The following EXOC6B variants were observed in gnomAD, a reference collection of about 807,000 sequenced individuals.
The protein encoded by EXOC6B is exocyst complex component 6B, also known as SEC15 homolog B.
In EXOC6B, 54 loss-of-function variants were observed where a neutral mutation model predicts 113.5. That is an observed-to-expected ratio of 0.48 (90% CI 0.38 to 0.60). The LOEUF (loss-of-function observed/expected upper bound fraction) is 0.60. Ranked by LOEUF, EXOC6B falls within the 20% of genes least tolerant of loss-of-function variation. The pLI, the probability that EXOC6B is intolerant of heterozygous loss-of-function variation, is 0.00. For missense variants in EXOC6B, 797 were observed against 977.5 expected (o/e 0.82, Z 2.46); for synonymous variants, 357 against 339.0 (o/e 1.05, Z -0.58).
At chr2:72,728,299 C>G (rs947262026) in intron 5 of EXOC6B, among the ~76,000 whole-genome samples, 2 of 152,152 alleles carry the variant, frequency 1.3e-5, no homozygotes, top group Non-Finnish European at 2.9e-5. Flanking sequence ...CCCAGCCAGA[C>G]CTATTCAATC....
intron 8 of EXOC6B, among the ~76,000 whole-genome samples, chr2:72,532,299 T>G (rs184556312): frequency 6.6e-6 from 1 of 152,252 alleles, no homozygotes; most frequent in Admixed American, 6.5e-5. Flanking sequence ...AAATTAACAA[T>G]GTACCATTTT....
chr2:72,623,887 C>T (rs1425719948), intron 6 of EXOC6B, among the ~76,000 whole-genome samples: 1 of 152,144 alleles, frequency 6.6e-6, no homozygotes, highest in Non-Finnish European at 1.5e-5. Flanking sequence ...ATGATAAATG[C>T]ACAATCCTGC....
At chr2:72,258,365 T>C (rs977740776) in intron 20 of EXOC6B, among the ~76,000 whole-genome samples, 4 of 145,518 alleles carry the variant, frequency 2.7e-5, no homozygotes, top group Non-Finnish European at 4.5e-5. Flanking sequence ...CTTTTTCTTT[T>C]TTTTTTTTTT....
intron 6 of EXOC6B, among the ~76,000 whole-genome samples, chr2:72,664,218 C>T (rs1330941654): frequency 1.3e-5 from 2 of 151,890 alleles, no homozygotes; most frequent in African/African-American, 2.4e-5. Context: ...AGTGCTGCTC[C>T]CACTGAGAGA....
chr2:72,473,685 G>T (rs995805601), intron 17 of EXOC6B, among the ~76,000 whole-genome samples: 1 of 151,604 alleles, frequency 6.6e-6, no homozygotes, highest in Admixed American at 6.6e-5. Context: ...AATTATTATT[G>T]ATATGTGAGG....
chr2:72,623,448 G>A (rs1671867603), intron 6 of EXOC6B, among the ~76,000 whole-genome samples: 1 of 152,152 alleles, frequency 6.6e-6, no homozygotes, highest in Non-Finnish European at 1.5e-5. Flanking sequence ...AACAGAAATA[G>A]AGCTTAGCAT....
chr2:72,380,665 G>A (rs978248913), intron 18 of EXOC6B, among the ~76,000 whole-genome samples: 1 of 151,658 alleles, frequency 6.6e-6, no homozygotes, highest in Non-Finnish European at 1.5e-5. Flanking sequence ...GAGGGGAGGG[G>A]AAGGTTATTT....
chr2:72,317,559 T>TCACACACACACA lies in EXOC6B; in HGVS notation c.2196+17376_2196+17387dup, dbSNP rs72124979. On this transcript the variant is annotated intron_variant, in intron 20 of 21. Coordinates refer to ENST00000272427, the MANE Select transcript of EXOC6B (RefSeq NM_015189.3). ...ACACAGGGAAGCATGTATGAACACA[T>TCACACACACACA]CACACACACACACACACACACACAC... Among the ~76,000 whole-genome samples the TCACACACACACA allele has an allele frequency of 6.6e-4, 93 of 140,686 alleles. 1 individual carries two copies. Among genetic ancestry groups the TCACACACACACA allele is most frequent in the African/African-American group, 2.0e-3 (78 of 39,134 alleles). The allele number at this position is 140,686 out of a possible 152,430, so 92.3% of individuals were successfully genotyped here. A position where few individuals can be genotyped will look rare whatever the true frequency, so the allele number is the denominator to read the frequency against.
chr2:72,480,667 C>T lies in EXOC6B; in HGVS notation c.1749G>A (p.Val583=). 6.3e-7 allele frequency: 1 copy of T among 1,591,066 alleles called. No individual in the cohort carries two copies. The highest frequency in any genetic ancestry group is 1.1e-5 in the South Asian group (1 of 87,246). ...LEEFITNITN[V]LPETVHTTKL... ...TGGTAGTGTGAACTGTCTCTGGAAG[C>T]ACATTAGTGATGTTGGTGATAAATT... The change falls in exon 17 of 22, where the codon GTG becomes GTA. Residue 583 remains valine (V), a synonymous_variant. Transcript: ENST00000272427.
chr2:72,186,904 C>T (rs184555768), intron 20 of EXOC6B, among the ~76,000 whole-genome samples: 1 of 152,290 alleles, frequency 6.6e-6, no homozygotes, highest in Non-Finnish European at 1.5e-5. Context: ...TGGCCAGTGG[C>T]ACCTTTGCCT....
At chr2:72,499,636 T>C (rs1455529235) in intron 12 of EXOC6B, among the ~76,000 whole-genome samples, 1 of 151,630 alleles carries the variant, frequency 6.6e-6, no homozygotes, top group Non-Finnish European at 1.5e-5. Flanking sequence ...CAGGCAATCC[T>C]CTCACCTCTG....
At chr2:72,502,237 G>A (rs1306866880) in intron 11 of EXOC6B, among the ~76,000 whole-genome samples, 1 of 152,228 alleles carries the variant, frequency 6.6e-6, no homozygotes, top group Non-Finnish European at 1.5e-5. Flanking sequence ...TGAAGAATAA[G>A]AAGTTCTAGA....
intron 1 of EXOC6B, among the ~76,000 whole-genome samples, chr2:72,774,175 C>G (rs1683560878): frequency 6.6e-6 from 1 of 152,038 alleles, no homozygotes; most frequent in Non-Finnish European, 1.5e-5. Context: ...ATATTATCAC[C>G]CAGTCTTACA....
At chr2:72,431,627 C>A (rs1184266952) in intron 18 of EXOC6B, among the ~76,000 whole-genome samples, 1 of 151,988 alleles carries the variant, frequency 6.6e-6, no homozygotes, top group Non-Finnish European at 1.5e-5. Flanking sequence ...CAGGAGTGAG[C>A]CACCACATCC....
chr2:72,490,736 CTT>C (rs1699696945), intron 16 of EXOC6B, among the ~76,000 whole-genome samples: 1 of 152,116 alleles, frequency 6.6e-6, no homozygotes, highest in Non-Finnish European at 1.5e-5. Flanking sequence ...TCCTTGATAA[CTT>C]CGTACTTGTT....
At chr2:72,672,081 T>A (rs1403405362) in intron 6 of EXOC6B, among the ~76,000 whole-genome samples, 1 of 151,630 alleles carries the variant, frequency 6.6e-6, no homozygotes, top group Non-Finnish European at 1.5e-5. Context: ...GGTACCCTCA[T>A]ACATTGTTGG....
At chr2:72,743,719 A>G (rs1343845292) in intron 1 of EXOC6B, among the ~76,000 whole-genome samples, 1 of 152,148 alleles carries the variant, frequency 6.6e-6, no homozygotes, top group Non-Finnish European at 1.5e-5. Flanking sequence ...GACTAACACT[A>G]TCTCTAAGGA....
intron 20 of EXOC6B, among the ~76,000 whole-genome samples, chr2:72,230,594 T>C (rs1334353270): frequency 6.6e-6 from 1 of 152,160 alleles, no homozygotes; most frequent in Non-Finnish European, 1.5e-5. Flanking sequence ...TCCATATATT[T>C]AAATGAGGTT....
rs1701140155 is a variant in EXOC6B, at chr2:72,514,961, AC to A, written c.999+81del. 2.5e-5 allele frequency: 30 copies of A among 1,209,800 alleles called. 1 individual carries two copies. Among genetic ancestry groups the A allele is most frequent in the Non-Finnish European group, 3.0e-5 (25 of 840,952 alleles). 74.9% of individuals were successfully genotyped at this position (1,209,800 alleles called of 1,614,324 possible). The stretch of plus-strand genomic sequence containing the variant: ...AGTAAACACACACACACAGACACAC[AC>A]ACACACACACACACACACGCATCAA... On this transcript the variant is annotated intron_variant, in intron 9 of 21. Transcript: ENST00000272427.
Sources: gnomAD v4.1 joint callset for allele counts (sites outside exome capture counted in the v4.1 genomes callset) on GRCh38, gnomAD v4.1.1 for gene constraint, MANE v1.5 for transcripts, NCBI Gene and HGNC (gene_info 2026-07-23, HGNC 2026-07-21) for gene names.